HTR3B: variants seen among roughly 807,000 people sequenced by gnomAD.
HTR3B encodes 5-hydroxytryptamine (serotonin) receptor 3B, ionotropic.
HTR3B carries 44 observed loss-of-function variants against 42.8 expected under a neutral mutation model. That is an observed-to-expected ratio of 1.03 (90% CI 0.81 to 1.32). The LOEUF (loss-of-function observed/expected upper bound fraction) is 1.32. Among genes scored for constraint, HTR3B ranks in the 40% most tolerant of loss-of-function variants. The pLI is 0.00. For missense variants in HTR3B, 527 were observed against 536.5 expected, an observed-to-expected ratio of 0.98 and a Z score of 0.17; for synonymous variants, 203 against 209.0, an observed-to-expected ratio of 0.97 and a Z score of 0.25.
At chr11:113,910,908 C>A (rs1949786211) in intron 2 of HTR3B, among the ~76,000 whole-genome samples, 1 of 150,842 alleles carries the variant, frequency 6.6e-6, no homozygotes, top group Non-Finnish European at 1.5e-5. Context: ...CTGCTCACTG[C>A]AAGCTCCACC....
In HTR3B at chr11:113,946,102, C is replaced by T. The variant is rs780534955; in HGVS notation, c.1291C>T (p.Leu431=). 1.2e-6 allele frequency: 2 copies of T among 1,614,024 alleles called. No homozygotes were observed. The highest frequency in any genetic ancestry group is 8.5e-7 in the Non-Finnish European group (1 of 1,179,954). The change falls in exon 9 of 9, where the codon CTG becomes TTG. Residue 431 remains leucine, a synonymous_variant. Transcript: ENST00000260191. ...CATGCTGGGGATCTACACCATCACT[C>T]TGTGCTCCCTCTGGGCACTGTGGGG... is the stretch of plus-strand genomic sequence containing the variant. The part of the protein sequence containing the change: ...LFMLGIYTIT[L]CSLWALWGGV
rs71063533 is a variant in HTR3B, at chr11:113,913,350, A to ATT, written c.213+3926_213+3927dup. Among the ~76,000 whole-genome samples, 535 of 61,498 alleles carry ATT rather than the reference A, an allele frequency of 8.7e-3. 38 individuals carry two copies. The highest frequency in any genetic ancestry group is 0.033 in the African/African-American group (461 of 13,922). 40.3% of individuals were successfully genotyped at this position (61,498 alleles called of 152,430 possible). On this transcript the variant is annotated intron_variant, in intron 2 of 8. Coordinates refer to ENST00000260191, the MANE Select transcript of HTR3B (RefSeq NM_006028.5). ...AGGTGCCTGCCACCATGTCTGGCTA[A>ATT]TTTTTTTTTTTTTTTTTTTTTTTTT...
intron 2 of HTR3B, among the ~76,000 whole-genome samples, chr11:113,922,806 T>C (rs1451150950): frequency 1.3e-5 from 2 of 151,328 alleles, no homozygotes; most frequent in East Asian, 2.0e-4. Flanking sequence ...CCGCCTGCCT[T>C]GGCCTCCCAA....
At position 113,934,457 on chromosome 11, in the gene HTR3B, GAAAGAAAGAAAGAAA is replaced by G. The variant is rs1218165306; in HGVS notation, c.696+1380_696+1394del. Among the ~76,000 whole-genome samples the G allele has an allele frequency of 5.3e-5, 8 of 151,616 alleles. No homozygotes were observed. In the South Asian group the frequency reaches 1.0e-3, roughly 20 times the overall value. ...AAGAAAGAAAGAAAAAAGAAAGAAG[GAAAGAAAGAAAGAAA>G]AAAGAAAGAAAGAAAGAAACTATTA... On this transcript the variant is annotated intron_variant, in intron 6 of 8. Transcript: ENST00000260191.
intron 2 of HTR3B, among the ~76,000 whole-genome samples, chr11:113,926,135 T>C (rs1949968869): frequency 6.6e-6 from 1 of 152,210 alleles, no homozygotes; most frequent in South Asian, 2.1e-4. Context: ...TGGCTTCTTA[T>C]GACTGATTTC....
At chr11:113,940,044 A>C (rs1369495982) in intron 6 of HTR3B, among the ~76,000 whole-genome samples, 1 of 151,820 alleles carries the variant, frequency 6.6e-6, no homozygotes, top group African/African-American at 2.4e-5. Flanking sequence ...ATGCCACCAC[A>C]CCTGGCTGAT....
chr11:113,910,505 A>G (rs1445860307), intron 2 of HTR3B, among the ~76,000 whole-genome samples: 1 of 149,226 alleles, frequency 6.7e-6, no homozygotes, highest in Non-Finnish European at 1.5e-5. Flanking sequence ...CAATGGCACG[A>G]TCTCGGCTCA....
intron 2 of HTR3B, among the ~76,000 whole-genome samples, chr11:113,914,948 T>C (rs1488064247): frequency 6.6e-6 from 1 of 152,228 alleles, no homozygotes. Context: ...TTTTTTCTTG[T>C]GTCAGTTTTG....
At position 113,946,123 on chromosome 11, in the gene HTR3B, T is replaced by TG. The variant is rs1380303972; in HGVS notation, c.1316dup (p.Gly440ArgfsTer16). On this transcript the variant is annotated frameshift_variant, in exon 9 of 9. Coordinates refer to ENST00000260191, the MANE Select transcript of HTR3B (RefSeq NM_006028.5). LOFTEE classifies it high-confidence loss of function. Reference sequence around the variant, plus strand: ...CACTCTGTGCTCCCTCTGGGCACTGTGGGGCGGCGTGTGAAGACTGAAGTG... The same window carrying TG: ...CACTCTGTGCTCCCTCTGGGCACTGTGGGGGCGGCGTGTGAAGACTGAAGTG... 1 of 1,612,182 alleles carries TG rather than the reference T, an allele frequency of 6.2e-7. No individual in the cohort carries two copies. The highest frequency in any genetic ancestry group is 8.5e-7 in the Non-Finnish European group (1 of 1,178,414).
chr11:113,944,711 A>T lies in HTR3B; in HGVS notation c.1046A>T (p.Asp349Val). The part of the protein sequence containing the change: ...FLCLRGDTDA[D>V]RPRVEPRAQR... ...TGCCTTCGAGGGGACACCGATGCTG[A>T]CAGGCCTAGAGTGGAACCCAGGGCC... The change falls in exon 8 of 9, where the codon GAC becomes GTC. Residue 349 changes from aspartate to valine, a missense_variant. Physicochemically the swap from Asp to Val is radical, Grantham distance 152. Coordinates refer to ENST00000260191, the MANE Select transcript of HTR3B (RefSeq NM_006028.5). 1 of 1,614,148 alleles carries T rather than the reference A, an allele frequency of 6.2e-7. No homozygotes were observed. Among genetic ancestry groups the T allele is most frequent in the Non-Finnish European group, 8.5e-7 (1 of 1,180,022 alleles).
chr11:113,940,064 T>C (rs1041552252), intron 6 of HTR3B, among the ~76,000 whole-genome samples: 16 of 152,184 alleles, frequency 1.1e-4, no homozygotes, highest in Middle Eastern at 3.4e-3. Context: ...TTTTTGTATT[T>C]TTAGCAGAGA....
At chr11:113,914,527 G>A (rs2137494813) in intron 2 of HTR3B, among the ~76,000 whole-genome samples, 1 of 151,914 alleles carries the variant, frequency 6.6e-6, no homozygotes, top group South Asian at 2.1e-4. Flanking sequence ...CTGTTGCCCA[G>A]GCTGGAGTCC....
intron 2 of HTR3B, among the ~76,000 whole-genome samples, chr11:113,928,936 T>A (rs1255688501): frequency 6.6e-6 from 1 of 152,242 alleles, no homozygotes; most frequent in Non-Finnish European, 1.5e-5. Flanking sequence ...TTGGGTTGAT[T>A]CTACCCCTTG....
rs1233190269 is a variant in HTR3B, at chr11:113,945,908, C to T, written c.1097C>T (p.Ser366Leu). 8 of 1,612,954 alleles carry T rather than the reference C, an allele frequency of 5.0e-6. No individual in the cohort carries two copies. In the African/African-American group the frequency reaches 8.0e-5, roughly 16 times the overall value. The change falls in exon 9 of 9, where the codon TCG (serine) becomes TTG (leucine). Residue 366 changes from serine to leucine, a missense_variant. Transcript: ENST00000260191. ...RAQRAVVTES[S>L]LYGEHLAQPG... The stretch of plus-strand genomic sequence containing the variant: ...GTTTTCCTCCATCACACAGAGTCCT[C>T]GCTGTATGGAGAGCACCTGGCCCAG...
At chr11:113,902,950 A>G (rs929324742), upstream of HTR3B, among the ~76,000 whole-genome samples, 2 of 151,414 alleles carry the variant, frequency 1.3e-5, no homozygotes, top group Admixed American at 1.3e-4. Context: ...CTCACTGCAG[A>G]CTCTATCTCC....
At chr11:113,912,286 C>T (rs1949802680) in intron 2 of HTR3B, among the ~76,000 whole-genome samples, 1 of 152,042 alleles carries the variant, frequency 6.6e-6, no homozygotes, top group Admixed American at 6.5e-5. Context: ...CTCTGTTACC[C>T]AGGCCGGAGT....
chr11:113,918,625 C>CTT (rs36002462), intron 2 of HTR3B, among the ~76,000 whole-genome samples: 57 of 127,828 alleles, frequency 4.5e-4, no homozygotes, highest in Middle Eastern at 4.1e-3. Context: ...CAGGTTAGGG[C>CTT]TTTTTTTTTT....
chr11:113,918,648 A>T (rs1949880563), intron 2 of HTR3B, among the ~76,000 whole-genome samples: 2 of 133,180 alleles, frequency 1.5e-5, no homozygotes, highest in African/African-American at 2.8e-5. Context: ...TTAAACCAGT[A>T]TGACAATCTA....
intron 2 of HTR3B, among the ~76,000 whole-genome samples, 198 bp from the exon 3 acceptor site, chr11:113,931,186 G>C (rs1369620946): frequency 2.0e-5 from 3 of 152,096 alleles, no homozygotes; most frequent in African/African-American, 7.2e-5. Context: ...AGATAATATA[G>C]TAAAGCTCAT....
Sources: gnomAD v4.1 joint callset for allele counts (sites outside exome capture counted in the v4.1 genomes callset) on GRCh38, gnomAD v4.1.1 for gene constraint, MANE v1.5 for transcripts, NCBI Gene and HGNC (gene_info 2026-07-23, HGNC 2026-07-21) for gene names.